Variants in CUBN observed in about 807,000 individuals in gnomAD.
The protein encoded by CUBN is 460 kDa receptor.
CUBN carries 282 observed loss-of-function variants against 405.3 expected under a neutral mutation model. The ratio of observed to expected loss-of-function variants is 0.70; its 90% CI spans 0.63 to 0.77. The LOEUF (loss-of-function observed/expected upper bound fraction) is 0.77. CUBN is among the 30% of genes least tolerant of loss of function. CUBN has a pLI of 0.00. For synonymous variants in CUBN, 1,684 were observed against 1,617.0 expected (o/e 1.04, Z -0.99); for missense variants, 4,514 against 4,475.2 (o/e 1.01, Z -0.25).
chr10:16,943,372 C>G (rs1217537037), intron 36 of CUBN, among the ~76,000 whole-genome samples: 2 of 152,198 alleles, frequency 1.3e-5, no homozygotes, highest in Non-Finnish European at 1.5e-5. Context: ...TCAGACAAAA[C>G]AAACCACATA....
chr10:17,071,406 A>G lies in CUBN; in HGVS notation c.2625+20T>C. On this transcript the variant is annotated intron_variant, in intron 19 of 66. Coordinates refer to ENST00000377833, the MANE Select transcript of CUBN (RefSeq NM_001081.4). The stretch of plus-strand genomic sequence containing the variant: ...ATAATATACAACCAAATACAAATTC[A>G]AAGATTTTTTCCCTCTTACCTCAAC... 6.2e-7 allele frequency: 1 copy of G among 1,612,406 alleles called. No homozygotes were observed. Among genetic ancestry groups the G allele is most frequent in the Non-Finnish European group, 8.5e-7 (1 of 1,178,638 alleles).
chr10:17,119,109 A>G (rs1255306332), intron 6 of CUBN, among the ~76,000 whole-genome samples: 1 of 152,238 alleles, frequency 6.6e-6, no homozygotes, highest in African/African-American at 2.4e-5. Context: ...GAAAAAGGTA[A>G]TAAGTTTAAT....
intron 39 of CUBN, among the ~76,000 whole-genome samples, chr10:16,936,475 T>C (rs987111286): frequency 1.9e-4 from 29 of 152,208 alleles, no homozygotes; most frequent in Non-Finnish European, 3.2e-4. Context: ...TAAATAAATA[T>C]AAGTACAAAT....
intron 22 of CUBN, among the ~76,000 whole-genome samples, chr10:17,061,096 A>AAAAC (rs997147328): frequency 1.3e-5 from 2 of 152,136 alleles, no homozygotes; most frequent in Admixed American, 1.3e-4. Context: ...AAAAAACCCA[A>AAAAC]AAACAAACAA....
chr10:17,079,004 C>T lies in CUBN; in HGVS notation c.2301+5267G>A, dbSNP rs189266131. 2.0e-3 allele frequency among the ~76,000 whole-genome samples: 298 copies of T among 152,246 alleles called. 5 individuals carry two copies. Among genetic ancestry groups the T allele is most frequent in the African/African-American group, 6.8e-3 (282 of 41,556 alleles). On this transcript the variant is annotated intron_variant, in intron 17 of 66. Transcript: ENST00000377833. ...ATGTATTCTCTACAAGTTCTCACAACTCCAAATTAGGTGTTCTATCATCTC... is the reference window on the plus strand; with the variant it reads ...ATGTATTCTCTACAAGTTCTCACAATTCCAAATTAGGTGTTCTATCATCTC...
At position 16,947,209 on chromosome 10, in the gene CUBN, A is replaced by G. The variant is rs2271465; in HGVS notation, c.5342+26T>C. 8.0e-4 allele frequency: 1,291 copies of G among 1,613,236 alleles called. 17 individuals carry two copies. In the East Asian group the frequency reaches 0.026, roughly 33 times the overall value. On this transcript the variant is annotated intron_variant, in intron 36 of 66. Coordinates refer to ENST00000377833, the MANE Select transcript of CUBN (RefSeq NM_001081.4). ...TTCCTACAGATTCATTAGCACTGAA[A>G]CAATACACCATAAAAAAGGATTTAC... is the stretch of plus-strand genomic sequence containing the variant.
chr10:17,024,484 A>G (rs1038470321), intron 27 of CUBN, among the ~76,000 whole-genome samples: 7 of 152,178 alleles, frequency 4.6e-5, no homozygotes, highest in Non-Finnish European at 1.0e-4. Context: ...CTTGGGATGT[A>G]GAGATTAACT....
chr10:17,081,192 T>C lies in CUBN; in HGVS notation c.2301+3079A>G, dbSNP rs529917563. ...TCAAAACCACAGTATCTGTGAAAGA[T>C]ACACACTCAGCAATGGTACCTTAAT... On this transcript the variant is annotated intron_variant, in intron 17 of 66. Transcript: ENST00000377833. 1.1e-3 allele frequency among the ~76,000 whole-genome samples: 162 copies of C among 152,304 alleles called. 1 individual carries two copies. Among genetic ancestry groups the C allele is most frequent in the African/African-American group, 3.5e-3 (147 of 41,576 alleles).
intron 48 of CUBN, among the ~76,000 whole-genome samples, chr10:16,911,626 T>G (rs1404798056): frequency 2.0e-5 from 3 of 152,224 alleles, no homozygotes. Flanking sequence ...GATCTAAAAC[T>G]ATGACTGTTC....
chr10:16,955,774 G>T (rs1332420250), intron 31 of CUBN, among the ~76,000 whole-genome samples: 1 of 152,170 alleles, frequency 6.6e-6, no homozygotes, highest in Non-Finnish European at 1.5e-5. Flanking sequence ...CAGAGGCACA[G>T]AGAGCCTAAG....
intron 51 of CUBN, among the ~76,000 whole-genome samples, chr10:16,901,915 AT>A (rs1841390565): frequency 8.0e-6 from 1 of 125,572 alleles, no homozygotes; most frequent in African/African-American, 2.8e-5. Flanking sequence ...ATATATATAT[AT>A]ATACACACAC....
intron 59 of CUBN, among the ~76,000 whole-genome samples, chr10:16,860,862 C>T (rs939890571): frequency 5.8e-4 from 88 of 152,160 alleles, no homozygotes; most frequent in Non-Finnish European, 1.8e-4. Context: ...AACTTTTTCC[C>T]TGGAATGCTG....
chr10:16,905,075 T>C (rs1373657198), intron 50 of CUBN, among the ~76,000 whole-genome samples: 1 of 152,220 alleles, frequency 6.6e-6, no homozygotes, highest in Non-Finnish European at 1.5e-5. Context: ...TCCCAAGGAC[T>C]TCTCCACCAA....
intron 28 of CUBN, among the ~76,000 whole-genome samples, chr10:17,005,043 C>T (rs550264298): frequency 1.6e-4 from 24 of 152,136 alleles, no homozygotes; most frequent in Non-Finnish European, 2.9e-4. Flanking sequence ...TCAGTCTCTT[C>T]CTCTTCTTGG....
intron 14 of CUBN, among the ~76,000 whole-genome samples, chr10:17,089,662 G>A (rs1316890443): frequency 2.6e-5 from 4 of 152,158 alleles, no homozygotes; most frequent in South Asian, 2.1e-4. Context: ...AAGATGGTAC[G>A]ATCACTACAT....
intron 31 of CUBN, among the ~76,000 whole-genome samples, chr10:16,957,200 C>T (rs763097223): frequency 3.3e-5 from 5 of 152,078 alleles, no homozygotes; most frequent in Admixed American, 1.3e-4. Context: ...TCCCTGCTAC[C>T]GTCCCCAGCC....
chr10:16,992,584 A>G (rs1301014008), intron 28 of CUBN, among the ~76,000 whole-genome samples: 1 of 152,108 alleles, frequency 6.6e-6, no homozygotes, highest in Non-Finnish European at 1.5e-5. Flanking sequence ...AAGGAGTTAA[A>G]AAAAAAATCT....
intron 31 of CUBN, among the ~76,000 whole-genome samples, chr10:16,967,183 T>C (rs1247829093): frequency 6.6e-6 from 1 of 152,180 alleles, no homozygotes; most frequent in Admixed American, 6.5e-5. Flanking sequence ...GGAAATTCAA[T>C]ACTAAGTTCA....
intron 22 of CUBN, among the ~76,000 whole-genome samples, chr10:17,056,034 TTAAG>T (rs1835387734): frequency 6.6e-6 from 1 of 152,088 alleles, no homozygotes; most frequent in South Asian, 2.1e-4. Context: ...TTATGTAACA[TTAAG>T]TAATATAATG....
Sources: gnomAD v4.1 joint callset for allele counts (sites outside exome capture counted in the v4.1 genomes callset) on GRCh38, gnomAD v4.1.1 for gene constraint, MANE v1.5 for transcripts, NCBI Gene and HGNC (gene_info 2026-07-23, HGNC 2026-07-21) for gene names.